Variants in LDLRAD4 observed in about 807,000 individuals in gnomAD.
LDLRAD4 encodes low-density lipoprotein receptor class A domain-containing protein 4.
Under a neutral mutation model 17.0 loss-of-function variants are expected in LDLRAD4, and 5 were observed. That is an observed-to-expected ratio of 0.29 (90% CI 0.15 to 0.62). LDLRAD4 has a LOEUF of 0.62. Among genes scored for constraint, LDLRAD4 ranks in the 20% least tolerant of loss-of-function variants. The probability of loss-of-function intolerance (pLI) is 0.84; values close to 1 mark genes in which losing one functional copy is unlikely to be tolerated. For missense variants in LDLRAD4, 340 were observed against 424.7 expected, an observed-to-expected ratio of 0.80 and a Z score of 1.75; for synonymous variants, 168 against 171.8, an observed-to-expected ratio of 0.98 and a Z score of 0.17.
At chr18:13,500,525 C>G (rs2093596005) in intron 3 of LDLRAD4, 1 of 152,246 alleles carries the variant, frequency 6.6e-6, no homozygotes, top group Non-Finnish European at 1.5e-5. Context: ...CCCAGCTCCT[C>G]AGAGAGGAGA....
rs1017743902 is a variant in LDLRAD4, at chr18:13,481,767, C to G, written c.181+43383C>G. On this transcript the variant is annotated intron_variant, in intron 3 of 5. Transcript: ENST00000359446. ...AGGCAGGGCAGCCATGTTCTGTTCT[C>G]CATGAGCCCCTCTAGGAAGGGAGGA... 2.0e-5 allele frequency among the ~76,000 whole-genome samples: 3 copies of G among 152,202 alleles called. No homozygotes were observed. In the East Asian group the frequency reaches 5.8e-4, roughly 29 times the overall value.
At chr18:13,597,219 T>A (rs1285050109) in intron 3 of LDLRAD4, among the ~76,000 whole-genome samples, 2 of 152,184 alleles carry the variant, frequency 1.3e-5, no homozygotes, top group African/African-American at 4.8e-5. Context: ...TTAAATAAAT[T>A]TCAGCATATC....
chr18:13,236,183 G>C (rs1410943424), intron 1 of LDLRAD4, among the ~76,000 whole-genome samples: 1 of 152,196 alleles, frequency 6.6e-6, no homozygotes, highest in African/African-American at 2.4e-5. Flanking sequence ...TCGCTCCCGA[G>C]CTGGGCTGGG....
At position 13,405,881 on chromosome 18, in the gene LDLRAD4, C is replaced by T. The variant is rs114605463; in HGVS notation, c.40+18119C>T. ...GTGGGTGAGCACCCAGGCTCCTGGG[C>T]CCGCTCCTGTCGCAGCTCACTTTCT... On this transcript the variant is annotated intron_variant, in intron 2 of 5. Transcript: ENST00000359446. Among the ~76,000 whole-genome samples the T allele has an allele frequency of 5.8e-3, 880 of 152,264 alleles. 8 individuals are homozygous for T. Among genetic ancestry groups the T allele is most frequent in the African/African-American group, 0.02 (831 of 41,542 alleles).
chr18:13,545,860 T>A (rs1047950017), intron 3 of LDLRAD4, among the ~76,000 whole-genome samples: 1 of 152,146 alleles, frequency 6.6e-6, no homozygotes, highest in Non-Finnish European at 1.5e-5. Context: ...GGATGGAGGC[T>A]GGGAAGGACC....
At chr18:13,485,310 T>C (rs1287723635) in intron 3 of LDLRAD4, among the ~76,000 whole-genome samples, 1 of 152,124 alleles carries the variant, frequency 6.6e-6, no homozygotes, top group Non-Finnish European at 1.5e-5. Flanking sequence ...GTGTAGTTGG[T>C]GGTAGAAACA....
chr18:13,222,629 C>A (rs1252806163), intron 1 of LDLRAD4, among the ~76,000 whole-genome samples: 26 of 152,236 alleles, frequency 1.7e-4, no homozygotes, highest in Admixed American at 1.7e-3. Context: ...AGGGCCTCTG[C>A]CTGCCGCCTA....
At position 13,300,851 on chromosome 18, in the gene LDLRAD4, GGGAA is replaced by G. The variant is rs1260915074; in HGVS notation, c.-383+22674_-383+22677del. On this transcript the variant is annotated intron_variant, in intron 1 of 5. Coordinates refer to ENST00000359446, the Ensembl canonical transcript of LDLRAD4. This position sits in a 1 kb window ranked among gnomAD's most constrained non-coding sequence, Gnocchi z 4.2. ...CCTCTCATGATCAGAGATGGGGTGT[GGGAA>G]GGAAGGAAGGGTGGTGAACTGGGAG... Among the ~76,000 whole-genome samples the G allele has an allele frequency of 6.6e-6, 1 of 152,180 alleles. No homozygotes were observed. The highest frequency in any genetic ancestry group is 1.9e-4 in the East Asian group (1 of 5,180).
At chr18:13,493,556 G>A (rs2093401268) in intron 3 of LDLRAD4, among the ~76,000 whole-genome samples, 4 of 152,216 alleles carry the variant, frequency 2.6e-5, no homozygotes, top group South Asian at 2.1e-4. Flanking sequence ...TGAGAAGAAT[G>A]CTGTTCTTAG....
At chr18:13,344,433 T>C (rs1451496916) in intron 1 of LDLRAD4, among the ~76,000 whole-genome samples, 1 of 152,206 alleles carries the variant, frequency 6.6e-6, no homozygotes, top group Admixed American at 6.5e-5. Context: ...TTCTGTTCCA[T>C]TGGTCTATAT....
intron 1 of LDLRAD4, among the ~76,000 whole-genome samples, chr18:13,222,382 A>C (rs553009431): frequency 2.0e-5 from 3 of 150,698 alleles, no homozygotes; most frequent in Non-Finnish European, 4.4e-5. Context: ...ATTTTTTTTT[A>C]AGGATGCTTT....
chr18:13,536,450 G>T (rs978610006), intron 3 of LDLRAD4, among the ~76,000 whole-genome samples: 2 of 152,082 alleles, frequency 1.3e-5, no homozygotes, highest in Non-Finnish European at 2.9e-5. Context: ...CAGTTGATTT[G>T]TGTACATAAA....
intron 1 of LDLRAD4, among the ~76,000 whole-genome samples, chr18:13,248,900 C>G (rs1210409465): frequency 6.6e-6 from 1 of 152,216 alleles, no homozygotes; most frequent in Non-Finnish European, 1.5e-5. Flanking sequence ...CCCTATCCCC[C>G]TTTCCCTACA....
intron 1 of LDLRAD4, among the ~76,000 whole-genome samples, chr18:13,291,725 C>T (rs535438382): frequency 5.7e-4 from 87 of 152,266 alleles, no homozygotes; most frequent in South Asian, 2.1e-3. Context: ...TGAATTTTAA[C>T]GAAGCAATGT....
intron 3 of LDLRAD4, among the ~76,000 whole-genome samples, chr18:13,616,591 G>C (rs1372510159): frequency 2.0e-5 from 3 of 152,226 alleles, no homozygotes; most frequent in Admixed American, 2.0e-4. Flanking sequence ...GACGCCCTCA[G>C]GGGAGGGCTT....
In LDLRAD4 at chr18:13,621,304, A is replaced by T. The variant is rs759941764; in HGVS notation, c.336+33A>T. ...CCCTGGCCGCCCCGGCTCCAGAGTCAGGCAGCTGCAAGAGGCTTAGGAGCC... is the reference window on the plus strand; with the variant it reads ...CCCTGGCCGCCCCGGCTCCAGAGTCTGGCAGCTGCAAGAGGCTTAGGAGCC... On this transcript the variant is annotated intron_variant, in intron 4 of 5. Transcript: ENST00000359446. This position sits in a 1 kb window ranked among gnomAD's most constrained non-coding sequence, Gnocchi z 5.5. The T allele has an allele frequency of 3.8e-6, 6 of 1,561,220 alleles. No homozygotes were observed. The African/African-American group carries it at 8.1e-5, about 21-fold the overall frequency.
At chr18:13,284,694 G>A (rs558241873) in intron 1 of LDLRAD4, among the ~76,000 whole-genome samples, 1 of 152,272 alleles carries the variant, frequency 6.6e-6, no homozygotes, top group African/African-American at 2.4e-5. Flanking sequence ...CCCTGTGTGG[G>A]TGAGGTGAGT....
chr18:13,644,478 G>A (rs1356002479), intron 5 of LDLRAD4, among the ~76,000 whole-genome samples: 1 of 149,244 alleles, frequency 6.7e-6, no homozygotes, highest in Non-Finnish European at 1.5e-5. Context: ...TGAGGTGGGA[G>A]AATCACTTGA....
chr18:13,316,846 G>C (rs2080960415), intron 1 of LDLRAD4, among the ~76,000 whole-genome samples: 1 of 152,176 alleles, frequency 6.6e-6, no homozygotes. Flanking sequence ...GAATCCAAAA[G>C]AAAGTAAGAA....
Sources: gnomAD v4.1 joint callset for allele counts (sites outside exome capture counted in the v4.1 genomes callset) on GRCh38, gnomAD v4.1.1 for gene constraint, Gnocchi (gnomAD v3.1) non-coding constraint, MANE v1.5 for transcripts, NCBI Gene and HGNC (gene_info 2026-07-23, HGNC 2026-07-21) for gene names.